JCAD: variants seen among roughly 807,000 people sequenced by gnomAD.
The protein encoded by JCAD is junctional cadherin 5 associated.
Under a neutral mutation model 98.0 loss-of-function variants are expected in JCAD, and 40 were observed. The observed-to-expected ratio is 0.41, with a 90% CI of 0.32 to 0.53. JCAD has a LOEUF of 0.53. Ranked by LOEUF, JCAD falls within the 20% of genes least tolerant of loss-of-function variation. The pLI, the probability that JCAD is intolerant of heterozygous loss-of-function variation, is 0.31. For missense variants in JCAD, 1,705 were observed against 1,738.1 expected, an observed-to-expected ratio of 0.98 and a Z score of 0.34; for synonymous variants, 691 against 682.3, an observed-to-expected ratio of 1.01 and a Z score of -0.20.
At chr10:30,025,275 T>A (rs1589677424) in intron 3 of JCAD, among the ~76,000 whole-genome samples, 1 of 151,354 alleles carries the variant, frequency 6.6e-6, no homozygotes, top group East Asian at 2.0e-4. Context: ...CCTGGCACTT[T>A]GGGAGGCCAA....
intron 1 of JCAD, among the ~76,000 whole-genome samples, chr10:30,099,117 C>A (rs1449303130): frequency 6.6e-6 from 1 of 152,168 alleles, no homozygotes. Context: ...AACTGTGAAT[C>A]TATTTCTTAT....
intron 1 of JCAD, among the ~76,000 whole-genome samples, chr10:30,082,492 G>T (rs777057690): frequency 5.3e-5 from 8 of 152,228 alleles, no homozygotes; most frequent in Non-Finnish European, 8.8e-5. Flanking sequence ...GCCGAGGTGG[G>T]TGGATCACTA....
At chr10:30,049,706 C>A (rs1223692478) in intron 1 of JCAD, among the ~76,000 whole-genome samples, 1 of 152,082 alleles carries the variant, frequency 6.6e-6, no homozygotes, top group East Asian at 1.9e-4. Context: ...AGGGTTTGTT[C>A]TTTAATTCAA....
In JCAD at chr10:30,033,605, G is replaced by C. The variant is rs7084220; in HGVS notation, c.282-3739C>G. 5.3e-3 allele frequency among the ~76,000 whole-genome samples: 813 copies of C among 152,220 alleles called. 66 individuals are homozygous for C. In the East Asian group the frequency reaches 0.13, roughly 25 times the overall value. On this transcript the variant is annotated intron_variant, in intron 2 of 3. Coordinates refer to ENST00000375377, the MANE Select transcript of JCAD (RefSeq NM_020848.4). ...CATTTCTTTGATTACTAGTGAGGTCGATTTCTTTTTCCCCATGTGCTTAGG... is the reference window on the plus strand; with the variant it reads ...CATTTCTTTGATTACTAGTGAGGTCCATTTCTTTTTCCCCATGTGCTTAGG...
At chr10:30,067,788 GTGT>G (rs922822007) in intron 2 of JCAD, among the ~76,000 whole-genome samples, 7 of 152,176 alleles carry the variant, frequency 4.6e-5, no homozygotes, top group African/African-American at 1.7e-4. Flanking sequence ...TCTGAGAATT[GTGT>G]TGTTAGGTGA....
intron 1 of JCAD, among the ~76,000 whole-genome samples, chr10:30,080,894 A>T (rs561652553): frequency 6.6e-6 from 1 of 152,356 alleles, no homozygotes; most frequent in East Asian, 1.9e-4. Context: ...CTTCCTGTCC[A>T]TGATGTCTGC....
At chr10:30,102,152 T>G (rs1838483567) in intron 1 of JCAD, among the ~76,000 whole-genome samples, 1 of 152,166 alleles carries the variant, frequency 6.6e-6, no homozygotes, top group South Asian at 2.1e-4. Flanking sequence ...TTACGTAAGA[T>G]CTTAACATAC....
chr10:30,100,284 C>T (rs3847404), intron 1 of JCAD, among the ~76,000 whole-genome samples: 68,163 of 151,998 alleles, frequency 0.45, 17,092 homozygotes, highest in African/African-American at 0.67. Flanking sequence ...AATTATGACT[C>T]TGTTTTGTTA....
Position 30,026,447 on chromosome 10 carries a change from C to T in JCAD, c.3701G>A (p.Arg1234Lys). The T allele has an allele frequency of 6.2e-7, 1 of 1,614,266 alleles. No individual in the cohort carries two copies. The highest frequency in any genetic ancestry group is 1.7e-5 in the Admixed American group (1 of 60,030). The change falls in exon 3 of 4, where the codon AGA becomes AAA. Residue 1234 changes from arginine (R) to lysine (K), a missense_variant. Coordinates refer to ENST00000375377, the MANE Select transcript of JCAD (RefSeq NM_020848.4). Reference sequence around the variant, plus strand: ...ACTTTCAATCACTTTGGAAGGGCTTCTAAGTCTCTTTTCAGAGCCTGCCAC... The same window carrying T: ...ACTTTCAATCACTTTGGAAGGGCTTTTAAGTCTCTTTTCAGAGCCTGCCAC... ...PSVAGSEKRL[R>K]SPSKVIESLQ...
intron 2 of JCAD, among the ~76,000 whole-genome samples, chr10:30,037,617 C>G (rs1397781671): frequency 1.3e-5 from 2 of 151,706 alleles, no homozygotes; most frequent in Non-Finnish European, 2.9e-5. Context: ...ACCTGGCGGA[C>G]TATTTCTGGA....
At position 30,059,128 on chromosome 10, in the gene JCAD, G is replaced by C. The variant is rs948378712; in HGVS notation, c.-60+354C>G. On this transcript the variant is annotated intron_variant, in intron 1 of 3. Transcript: ENST00000375377. This position sits in a 1 kb window ranked among gnomAD's most constrained non-coding sequence, Gnocchi z 5.0. The stretch of plus-strand genomic sequence containing the variant: ...GGGAGTGAGTGACCCCGGCCCCCCA[G>C]GCCCTCCGCGCGCCGAGGGGCGACG... Among the ~76,000 whole-genome samples, 2 of 152,000 alleles carry C rather than the reference G, an allele frequency of 1.3e-5. No homozygotes were observed. Among genetic ancestry groups the C allele is most frequent in the African/African-American group, 2.4e-5 (1 of 41,516 alleles).
At chr10:30,022,495 C>T (rs924706041) in intron 3 of JCAD, among the ~76,000 whole-genome samples, 1 of 152,172 alleles carries the variant, frequency 6.6e-6, no homozygotes, top group Non-Finnish European at 1.5e-5. Flanking sequence ...AGGCTTTACT[C>T]TAACTTGTGA....
In JCAD at chr10:30,027,003, G is replaced by A. The variant is rs200009565; in HGVS notation, c.3145C>T (p.Arg1049Trp). ...KNRGLSAPDLRSVGLTPGQEQ... is the reference protein window; with the variant it reads ...KNRGLSAPDLWSVGLTPGQEQ... ...TGCCCAGGGGTGAGCCCCACAGACC[G>A]TAAGTCTGGAGCTGAGAGCCCTCGG... The change falls in exon 3 of 4, where the codon CGG becomes TGG. Residue 1049 changes from arginine to tryptophan, a missense_variant. This residue lies in a region of JCAD where 1,278 missense variants were observed against 1,243.1 expected (regional missense o/e 1.03). Coordinates refer to ENST00000375377, the MANE Select transcript of JCAD (RefSeq NM_020848.4). 2.8e-5 allele frequency: 45 copies of A among 1,614,070 alleles called. No homozygotes were observed. The highest frequency in any genetic ancestry group is 1.6e-4 in the Middle Eastern group (1 of 6,084).
intron 2 of JCAD, 38 bp downstream of exon 2, chr10:30,047,494 G>C (rs151253664): frequency 1.9e-6 from 3 of 1,582,680 alleles, no homozygotes; most frequent in Admixed American, 1.8e-5. Flanking sequence ...CCAAACTCCT[G>C]AGTCAAAAGA....
chr10:30,019,357 C>CAA lies in JCAD; in HGVS notation c.4046-1442_4046-1441dup, dbSNP rs58164754. ...GGGCAACAAGAGCGAAACTCTGTCT[C>CAA]AAAAAAAAAAAAAAAAAAAAGAAAA... On this transcript the variant is annotated intron_variant, in intron 3 of 3. Transcript: ENST00000375377. 6.5e-3 allele frequency among the ~76,000 whole-genome samples: 656 copies of CAA among 100,208 alleles called. 6 individuals are homozygous for CAA. The highest frequency in any genetic ancestry group is 0.022 in the African/African-American group (575 of 25,862). 65.7% of individuals were successfully genotyped at this position (100,208 alleles called of 152,430 possible).
intron 1 of JCAD, among the ~76,000 whole-genome samples, chr10:30,058,813 C>G (rs887035855): frequency 6.6e-6 from 1 of 152,122 alleles, no homozygotes; most frequent in Admixed American, 6.5e-5. Flanking sequence ...CTGCCCTTCT[C>G]CCATCCCACG....
Position 30,014,540 on chromosome 10 carries a change from C to G in JCAD, c.*3343G>C, listed in dbSNP as rs1254663468. 2 of 152,168 alleles carry G rather than the reference C, an allele frequency of 1.3e-5. No individual in the cohort carries two copies. Among genetic ancestry groups the G allele is most frequent in the Admixed American group, 6.5e-5 (1 of 15,286 alleles). The allele number at this position is 152,168 out of a possible 1,614,324, so 9.4% of individuals were successfully genotyped here. A position where few individuals can be genotyped will look rare whatever the true frequency, so the allele number is the denominator to read the frequency against. ...ACAATAATAAAAAACTCAGCCAGAA[C>G]ACGCAAACGTGATCTCTGGGGGTCA... On this transcript the variant is annotated 3_prime_UTR_variant, in exon 4 of 4. Coordinates refer to ENST00000375377, the MANE Select transcript of JCAD (RefSeq NM_020848.4).
At chr10:30,063,520 T>C (rs1323504064), upstream of JCAD, among the ~76,000 whole-genome samples, 2 of 152,210 alleles carry the variant, frequency 1.3e-5, no homozygotes, top group East Asian at 3.8e-4. Flanking sequence ...CTATAAGGTT[T>C]CCTTTAGCTG....
chr10:30,063,521 C>T (rs1329909904), upstream of JCAD, among the ~76,000 whole-genome samples: 2 of 152,106 alleles, frequency 1.3e-5, no homozygotes, highest in Non-Finnish European at 2.9e-5. Flanking sequence ...TATAAGGTTT[C>T]CTTTAGCTGA....
Sources: allele counts gnomAD v4.1 joint callset (sites outside exome capture counted in the v4.1 genomes callset), GRCh38; gene constraint gnomAD v4.1.1; regional missense constraint gnomAD v4.1.1; non-coding constraint Gnocchi (gnomAD v3.1); transcripts MANE v1.5; gene names NCBI Gene and HGNC (gene_info 2026-07-23, HGNC 2026-07-21).